The following ASPM variants were observed in gnomAD, a reference collection of about 807,000 sequenced individuals.
ASPM encodes the protein assembly factor for spindle microtubules.
Under a neutral mutation model 366.4 loss-of-function variants are expected in ASPM, and 256 were observed. The ratio of observed to expected loss-of-function variants is 0.70; its 90% confidence interval spans 0.63 to 0.77. ASPM has a LOEUF of 0.77. ASPM is among the 30% of genes least tolerant of loss of function. ASPM has a pLI of 0.00. For missense variants in ASPM, 4,146 were observed against 4,090.4 expected (o/e 1.01, Z -0.37); for synonymous variants, 1,414 against 1,342.9 (o/e 1.05, Z -1.16).
chr1:197,137,032 A>G (rs1349311068), intron 4 of ASPM, among the ~76,000 whole-genome samples: 4 of 152,140 alleles, frequency 2.6e-5, no homozygotes, highest in Non-Finnish European at 5.9e-5. Flanking sequence ...TAAAAAGTCT[A>G]TTCTCAAATG....
At chr1:197,135,298 T>C (rs1658384219) in intron 4 of ASPM, 56 bp from the exon 5 acceptor site, 4 of 1,535,856 alleles carry the variant, frequency 2.6e-6, no homozygotes, top group Non-Finnish European at 2.7e-6. Flanking sequence ...TATTGTACAA[T>C]ATACAGCAAA....
chr1:197,138,978 C>T, intron 4 of ASPM: 1 of 720,524 alleles, frequency 1.4e-6, no homozygotes, highest in East Asian at 2.5e-5. Flanking sequence ...TCTGTTTCAA[C>T]TCTTCTTCTC....
chr1:197,135,591 T>C (rs993394173), intron 4 of ASPM, among the ~76,000 whole-genome samples: 1 of 151,584 alleles, frequency 6.6e-6, no homozygotes, highest in African/African-American at 2.4e-5. Context: ...CAGGTCAGGG[T>C]ACTTGGGATA....
intron 17 of ASPM, among the ~76,000 whole-genome samples, chr1:197,107,283 C>T (rs1220097567): frequency 6.6e-6 from 1 of 151,976 alleles, no homozygotes; most frequent in South Asian, 2.1e-4. Context: ...AATCTAGATC[C>T]CAGACTGGCT....
At chr1:197,113,965 T>C (rs551138126) in intron 17 of ASPM, among the ~76,000 whole-genome samples, 2 of 152,332 alleles carry the variant, frequency 1.3e-5, no homozygotes, top group African/African-American at 4.8e-5. Context: ...CATGGAGTCA[T>C]GTGAATGGTC....
chr1:197,132,758 AATAT>A (rs931295510), intron 6 of ASPM, among the ~76,000 whole-genome samples: 19 of 148,960 alleles, frequency 1.3e-4, no homozygotes, highest in African/African-American at 4.6e-4. Flanking sequence ...ATATATGATA[AATAT>A]ATATATATTT....
chr1:197,131,853 T>C (rs1369726389), intron 7 of ASPM, among the ~76,000 whole-genome samples: 3 of 150,310 alleles, frequency 2.0e-5, no homozygotes, highest in Admixed American at 6.6e-5. Context: ...CCACCACACC[T>C]GGCCAGGGCA....
chr1:197,142,934 C>T lies in ASPM; in HGVS notation c.1318G>A (p.Glu440Lys), dbSNP rs1406546516. ...RKSEVSPRIPECQGSKSPKAI... is the reference protein window; with the variant it reads ...RKSEVSPRIPKCQGSKSPKAI... ...TTGGGAGATTTTGAACCCTGACATT[C>T]AGGAATACGTGGCGAAACTTCACTT... The change falls in exon 3 of 28, where the codon GAA (glutamate) becomes AAA (lysine). Residue 440 changes from glutamate (E) to lysine (K), a missense_variant. Physicochemically the swap from Glu to Lys is moderately conservative, Grantham distance 56. Around this residue, in one of 3 missense-constraint regions of ASPM, gnomAD observed 3,624 missense variants for 3,591.7 expected, o/e 1.01. Transcript: ENST00000367409. 6.2e-7 allele frequency: 1 copy of T among 1,613,952 alleles called. No homozygotes were observed. The highest frequency in any genetic ancestry group is 8.5e-7 in the Non-Finnish European group (1 of 1,179,874).
chr1:197,085,934 T>G (rs1558320413), intron 27 of ASPM, among the ~76,000 whole-genome samples: 1 of 152,106 alleles, frequency 6.6e-6, no homozygotes, highest in Non-Finnish European at 1.5e-5. Context: ...CATCAAAATT[T>G]TAAGAGAATC....
At chr1:197,117,729 TCTTA>T (rs1571611686) in intron 17 of ASPM, 56 bp downstream of exon 17, 13 of 1,435,580 alleles carry the variant, frequency 9.1e-6, no homozygotes, top group African/African-American at 8.6e-5. Flanking sequence ...CATTTTGCCT[TCTTA>T]CTTAAAAAAG....
In ASPM at chr1:197,100,927, A is replaced by G; in HGVS notation, c.8324T>C (p.Leu2775Pro). ...KMAAIVNQSA[L>P]CCYRSKTQYE... ...CTGAGTTTTACTTCTGTAACAGCAG[A>G]GTGCAGATTGGTTAACAATGGCTGC... Residue 2775 changes from leucine (L) to proline (P), a missense_variant, in exon 18 of 28, where the codon CTC becomes CCC. This residue lies in a region of ASPM where 3,624 missense variants were observed against 3,591.7 expected (regional missense o/e 1.01). Transcript: ENST00000367409. The G allele has an allele frequency of 6.2e-7, 1 of 1,612,794 alleles. No homozygotes were observed. The highest frequency in any genetic ancestry group is 8.5e-7 in the Non-Finnish European group (1 of 1,179,202).
chr1:197,129,491 C>T (rs1234215489), intron 8 of ASPM, among the ~76,000 whole-genome samples, 174 bp from the exon 9 acceptor site: 1 of 152,086 alleles, frequency 6.6e-6, no homozygotes, highest in Non-Finnish European at 1.5e-5. Flanking sequence ...TCCATTTAAT[C>T]CTCCCAATAT....
chr1:197,122,285 T>A lies in ASPM; in HGVS notation c.3615A>T (p.Leu1205=), dbSNP rs1296164418. Residue 1205 remains leucine, a synonymous_variant, in exon 15 of 28, where the codon CTA becomes CTT. Transcript: ENST00000367409. ...TTTCATTTTCTAGGAGCTCTTTGTA[T>A]AGCTCTGAAGTATTTTCTATTATGC... ...KAFDHENTSE[L]YKELLENEKK... is the part of the protein sequence containing the mutation. 22 of 1,613,642 alleles carry A rather than the reference T, an allele frequency of 1.4e-5. No homozygotes were observed. Among genetic ancestry groups the A allele is most frequent in the Non-Finnish European group, 1.8e-5 (21 of 1,179,752 alleles).
chr1:197,115,553 A>T (rs1249248303), intron 17 of ASPM, among the ~76,000 whole-genome samples: 1 of 152,198 alleles, frequency 6.6e-6, no homozygotes, highest in East Asian at 1.9e-4. Flanking sequence ...TTGCATCCAT[A>T]GCCTTACAAA....
rs1365215724 is a variant in ASPM, at chr1:197,146,268, A to G, written c.170T>C (p.Leu57Pro). 6.2e-7 allele frequency: 1 copy of G among 1,614,054 alleles called. No homozygotes were observed. The highest frequency in any genetic ancestry group is 8.5e-7 in the Non-Finnish European group (1 of 1,180,010). ...SPFLCFGDVL[L>P]GASRTLSLAL... ...CAGAGACAGCGTCCGTGAGGCTCCCAGGAGAACGTCCCCGAAGCAAAGGAA... is the reference window on the plus strand; with the variant it reads ...CAGAGACAGCGTCCGTGAGGCTCCCGGGAGAACGTCCCCGAAGCAAAGGAA... Residue 57 changes from leucine to proline, a missense_variant, in exon 1 of 28, where the codon CTG becomes CCG. Leu to Pro is a moderately conservative substitution (Grantham distance 98). Around this residue, in one of 3 missense-constraint regions of ASPM, gnomAD observed 512 missense variants for 471.7 expected, o/e 1.09. Transcript: ENST00000367409.
At chr1:197,092,843 C>G (rs572306972) in intron 21 of ASPM, among the ~76,000 whole-genome samples, 3 of 151,672 alleles carry the variant, frequency 2.0e-5, no homozygotes, top group Non-Finnish European at 4.4e-5. Context: ...GGTGGTGAAC[C>G]CCTGTGAGAA....
Position 197,124,902 on chromosome 1 carries a change from TGA to T in ASPM, c.3134_3135del (p.Leu1045GlnfsTer17). 2.5e-6 allele frequency: 4 copies of T among 1,611,034 alleles called. No individual in the cohort carries two copies. The highest frequency in any genetic ancestry group is 2.2e-5 in the East Asian group (1 of 44,842). On this transcript the variant is annotated frameshift_variant, in exon 12 of 28. Transcript: ENST00000367409. LOFTEE classifies it high-confidence loss of function. ...GCAAACGCTATTTTCCAAAGCAACC[TGA>T]GAGTTTTTTCTCTGTGCCTATCCAC... ...DIVDRHREKT[L>X]RLLWKIAFAF...
In ASPM at chr1:197,144,080, A is replaced by G; in HGVS notation, c.318T>C (p.Ile106=). 1 of 1,605,706 alleles carries G rather than the reference A, an allele frequency of 6.2e-7. No homozygotes were observed. The highest frequency in any genetic ancestry group is 8.5e-7 in the Non-Finnish European group (1 of 1,172,764). ...FVLQPKEKIV[I]SVNWTPLKEG... The stretch of plus-strand genomic sequence containing the variant: ...CTTTGAGTGGTGTCCAGTTAACAGA[A>G]ATAACAATTTTCTCTTTAGGCTATA... Residue 106 remains isoleucine (I), a synonymous_variant, in exon 2 of 28, where the codon ATT becomes ATC. Transcript: ENST00000367409.
chr1:197,084,924 C>T (rs957911988), intron 27 of ASPM, among the ~76,000 whole-genome samples: 1 of 152,142 alleles, frequency 6.6e-6, no homozygotes, highest in East Asian at 1.9e-4. Flanking sequence ...TCTCCATCCA[C>T]CATTTCTGAT....
Sources: gnomAD v4.1 joint callset for allele counts (sites outside exome capture counted in the v4.1 genomes callset) on GRCh38, gnomAD v4.1.1 for gene constraint, gnomAD v4.1.1 regional missense constraint, MANE v1.5 for transcripts, NCBI Gene and HGNC (gene_info 2026-07-23, HGNC 2026-07-21) for gene names.